The following TMEM255A variants were observed in gnomAD, a reference collection of about 807,000 sequenced individuals.
The protein encoded by TMEM255A is family with sequence similarity 70, member A.
TMEM255A carries 14 observed loss-of-function variants against 23.5 expected under a neutral mutation model. The ratio of observed to expected loss-of-function variants is 0.60; its 90% confidence interval spans 0.39 to 0.93. The LOEUF (loss-of-function observed/expected upper bound fraction) is 0.93, where lower values mean the gene tolerates loss of function less well. Ranked by LOEUF, TMEM255A falls within the 40% of genes least tolerant of loss-of-function variation. TMEM255A has a pLI of 0.00. For synonymous variants in TMEM255A, 104 were observed against 100.3 expected (o/e 1.04, Z -0.22); for missense variants, 233 against 261.7 (o/e 0.89, Z 0.76).
chrX:120,279,998 C>CTTTTTTTTTTTTTTTTTTTTTTTTTT (rs59428362), intron 6 of TMEM255A, among the ~76,000 whole-genome samples: 2 of 38,226 alleles, frequency 5.2e-5, no homozygotes, highest in South Asian at 3.0e-3. Flanking sequence ...CCTTTTCTTT[C>CTTTTTTTTTTTTTTTTTTTTTTTTTT]TTTTTTTTTT....
At chrX:120,291,974 G>T (rs146990345) in intron 3 of TMEM255A, among the ~76,000 whole-genome samples, 1,623 of 111,138 alleles carry the variant, frequency 0.015, 30 homozygotes, top group African/African-American at 0.051. Context: ...AAGGATTGAA[G>T]TCTCTGAATC....
chrX:120,303,308 C>T (rs1470808448), intron 2 of TMEM255A, among the ~76,000 whole-genome samples: 6 of 111,350 alleles, frequency 5.4e-5, no homozygotes, highest in African/African-American at 2.0e-4. Flanking sequence ...ACCCTCTGTC[C>T]GTGTGAATGT....
chrX:120,286,560 G>C (rs1257000366), intron 5 of TMEM255A, among the ~76,000 whole-genome samples: 1 of 111,907 alleles, frequency 8.9e-6, no homozygotes, highest in Non-Finnish European at 1.9e-5. Flanking sequence ...AAGGAGAGCT[G>C]TTTGGGGCAG....
chrX:120,302,578 C>T (rs114056189), intron 2 of TMEM255A, among the ~76,000 whole-genome samples: 1 of 106,225 alleles, frequency 9.4e-6, no homozygotes, highest in Non-Finnish European at 1.9e-5. Context: ...TGCCTCACCA[C>T]AGGAAGTGCA....
intron 7 of TMEM255A, among the ~76,000 whole-genome samples, chrX:120,271,107 G>A (rs189874762): frequency 3.2e-4 from 36 of 111,226 alleles, no homozygotes; most frequent in East Asian, 1.7e-3. Flanking sequence ...GATAATGCTC[G>A]GTACTTCCCT....
At chrX:120,294,758 A>T (rs1040782620) in intron 2 of TMEM255A, among the ~76,000 whole-genome samples, 16 of 112,269 alleles carry the variant, frequency 1.4e-4, no homozygotes, top group African/African-American at 5.2e-4. Flanking sequence ...TGATGTATAG[A>T]TCACAAAATA....
chrX:120,303,425 C>T (rs1346846240), intron 2 of TMEM255A, among the ~76,000 whole-genome samples: 1 of 111,116 alleles, frequency 9.0e-6, no homozygotes, highest in Non-Finnish European at 1.9e-5. Flanking sequence ...CCAATTTTAA[C>T]GAAACTAGTC....
intron 7 of TMEM255A, among the ~76,000 whole-genome samples, chrX:120,271,984 C>T (rs1230925568): frequency 8.9e-6 from 1 of 112,441 alleles, no homozygotes; most frequent in African/African-American, 3.2e-5. Context: ...GCTCTAGTAT[C>T]CGCTATTTAT....
chrX:120,287,177 T>C lies in TMEM255A; in HGVS notation c.400A>G (p.Thr134Ala). The C allele has an allele frequency of 8.3e-7, 1 of 1,211,125 alleles. No individual in the cohort carries two copies. Among genetic ancestry groups the C allele is most frequent in the Non-Finnish European group, 1.1e-6 (1 of 895,033 alleles). The change falls in exon 5 of 9, where the codon ACA (threonine) becomes GCA (alanine). Residue 134 changes from threonine (T) to alanine (A), a missense_variant. Physicochemically the swap from Thr to Ala is moderately conservative, Grantham distance 58. Transcript: ENST00000371369. ...ACCTCCTCAGCTTCCTTCTGTGATG[T>C]CTTGGGAACATAATGGCACCGGTTA... The part of the protein sequence containing the change: ...YANRCHYVPK[T>A]SQKEAEEVNC...
chrX:120,295,964 G>A lies in TMEM255A; in HGVS notation c.202-1913C>T, dbSNP rs188521803. ...ATCTTATAATTATGTGCTCTATTTT[G>A]TGCTAAGAGAATTTCCTTGTTCCAT... is the stretch of plus-strand genomic sequence containing the variant. On this transcript the variant is annotated intron_variant, in intron 2 of 8. Coordinates refer to ENST00000371369, the MANE Select transcript of TMEM255A (RefSeq NM_001104544.3). 1.3e-4 allele frequency among the ~76,000 whole-genome samples: 14 copies of A among 111,511 alleles called. No individual in the cohort carries two copies. The East Asian group carries it at 3.4e-3, about 27-fold the overall frequency.
chrX:120,263,068 A>G (rs2057690647), intron 8 of TMEM255A, among the ~76,000 whole-genome samples: 1 of 111,468 alleles, frequency 9.0e-6, no homozygotes, highest in African/African-American at 3.3e-5. Flanking sequence ...TTAAGGATAA[A>G]GCTGAAGGGT....
chrX:120,272,134 G>A (rs1429913438), intron 7 of TMEM255A, among the ~76,000 whole-genome samples: 7 of 111,726 alleles, frequency 6.3e-5, no homozygotes, highest in Non-Finnish European at 1.3e-4. Context: ...CTCAGTGTGG[G>A]GCCCAAGACT....
chrX:120,270,644 A>C (rs1282522323), intron 7 of TMEM255A, among the ~76,000 whole-genome samples: 1 of 111,559 alleles, frequency 9.0e-6, no homozygotes, highest in Non-Finnish European at 1.9e-5. Flanking sequence ...ACATTTCTTT[A>C]AGATCTTTTT....
At chrX:120,269,782 C>G (rs1017231640) in intron 7 of TMEM255A, among the ~76,000 whole-genome samples, 1 of 111,650 alleles carries the variant, frequency 9.0e-6, no homozygotes, top group Non-Finnish European at 1.9e-5. Flanking sequence ...TACCTCTCCC[C>G]CAGAATTCTT....
At chrX:120,275,856 A>G (rs2057794456) in intron 7 of TMEM255A, among the ~76,000 whole-genome samples, 1 of 97,149 alleles carries the variant, frequency 1.0e-5, no homozygotes, top group Non-Finnish European at 2.0e-5. Context: ...GCAGTGGTGC[A>G]ATCATGGCTT....
intron 7 of TMEM255A, among the ~76,000 whole-genome samples, chrX:120,275,260 T>C (rs1603400881): frequency 3.6e-5 from 4 of 111,434 alleles, no homozygotes; most frequent in Non-Finnish European, 5.7e-5. Flanking sequence ...GGAGGGAAGC[T>C]GGGAAGAGAA....
chrX:120,253,387 C>T, the TMEM255A span: 2 of 1,162,365 alleles, frequency 1.7e-6, no homozygotes, highest in South Asian at 1.9e-5. Context: ...TAATCCTCTC[C>T]CATCCCCTCC....
chrX:120,308,208 C>G (rs1287938532), intron 1 of TMEM255A, among the ~76,000 whole-genome samples: 1 of 112,139 alleles, frequency 8.9e-6, no homozygotes, highest in Non-Finnish European at 1.9e-5. Flanking sequence ...AACCGTGGGT[C>G]TGGTCCACAA....
intron 2 of TMEM255A, among the ~76,000 whole-genome samples, chrX:120,298,892 A>AGG (rs2058015779): frequency 9.1e-6 from 1 of 109,682 alleles, no homozygotes; most frequent in African/African-American, 3.3e-5. Flanking sequence ...AGAGAGAGAG[A>AGG]GAGAGAGAGA....
Sources: allele counts gnomAD v4.1 joint callset (sites outside exome capture counted in the v4.1 genomes callset), GRCh38; gene constraint gnomAD v4.1.1; transcripts MANE v1.5; gene names NCBI Gene and HGNC (gene_info 2026-07-23, HGNC 2026-07-21).